The following DNAAF9 variants were observed in gnomAD, a reference collection of about 807,000 sequenced individuals.
The protein encoded by DNAAF9 is shulin.
Under a neutral mutation model 167.0 loss-of-function variants are expected in DNAAF9, and 90 were observed. The observed-to-expected ratio is 0.54, with a 90% CI of 0.45 to 0.64. The LOEUF (loss-of-function observed/expected upper bound fraction) is 0.64. Ranked by LOEUF, DNAAF9 falls within the 30% of genes least tolerant of loss-of-function variation. The pLI is 0.00. For missense variants in DNAAF9, 1,315 were observed against 1,442.2 expected (o/e 0.91, Z 1.43); for synonymous variants, 491 against 508.8 (o/e 0.96, Z 0.47).
chr20:3,317,352 C>A (rs1229619067), intron 17 of DNAAF9, among the ~76,000 whole-genome samples: 1 of 111,748 alleles, frequency 8.9e-6, no homozygotes, highest in East Asian at 2.9e-4. Flanking sequence ...CAGAGCAAGA[C>A]CTTGTCTCAA....
At position 3,405,107 on chromosome 20, in the gene DNAAF9, A is replaced by G. The variant is rs116717588; in HGVS notation, c.83+2368T>C. 5.4e-3 allele frequency among the ~76,000 whole-genome samples: 818 copies of G among 152,366 alleles called. 7 individuals carry two copies. The highest frequency in any genetic ancestry group is 0.018 in the African/African-American group (761 of 41,582). ...CTGACCAAAAGCAACTCTTAAGGCCATACCTAACTTCAAAGAAGCAAGCAA... is the reference window on the plus strand; with the variant it reads ...CTGACCAAAAGCAACTCTTAAGGCCGTACCTAACTTCAAAGAAGCAAGCAA... On this transcript the variant is annotated intron_variant, in intron 1 of 36. Coordinates refer to ENST00000252032, the MANE Select transcript of DNAAF9 (RefSeq NM_001009984.3).
chr20:3,264,291 C>T (rs1486916559), intron 31 of DNAAF9, 147 bp downstream of exon 31: 13 of 610,576 alleles, frequency 2.1e-5, no homozygotes, highest in South Asian at 4.1e-5. Context: ...CAGCAGCTGC[C>T]GGACAGGCAG....
At chr20:3,334,625 C>T (rs2069902564) in intron 10 of DNAAF9, among the ~76,000 whole-genome samples, 1 of 152,156 alleles carries the variant, frequency 6.6e-6, no homozygotes, top group Non-Finnish European at 1.5e-5. Context: ...AAGGAAATGC[C>T]AAACTGTCTT....
At chr20:3,283,468 C>G (rs939239540) in intron 27 of DNAAF9, among the ~76,000 whole-genome samples, 1 of 152,230 alleles carries the variant, frequency 6.6e-6, no homozygotes, top group Non-Finnish European at 1.5e-5. Flanking sequence ...CCTGACAGCC[C>G]TCTGCTCACA....
Position 3,287,634 on chromosome 20 carries a change from T to C in DNAAF9, c.2484A>G (p.Gln828=). The C allele has an allele frequency of 6.2e-7, 1 of 1,614,156 alleles. No homozygotes were observed. Residue 828 remains glutamine (Q), a splice_region_variant and synonymous_variant, in exon 27 of 37, where the codon CAA becomes CAG. Coordinates refer to ENST00000252032, the MANE Select transcript of DNAAF9 (RefSeq NM_001009984.3). ...TCCAGGAGACTTCCAATGCTCACCCTTGTAACACCACCAGCAGTCTGGTCT... is the reference window on the plus strand; with the variant it reads ...TCCAGGAGACTTCCAATGCTCACCCCTGTAACACCACCAGCAGTCTGGTCT... ...RKKTRLLVVL[Q]GYTDVIDVVQ... is the part of the protein sequence containing the mutation.
chr20:3,313,703 C>T (rs952437783), intron 20 of DNAAF9, among the ~76,000 whole-genome samples: 2 of 152,152 alleles, frequency 1.3e-5, no homozygotes, highest in African/African-American at 4.8e-5. Flanking sequence ...GGACAGATAA[C>T]ATATAAAATT....
intron 20 of DNAAF9, among the ~76,000 whole-genome samples, chr20:3,311,619 T>C (rs1320211003): frequency 6.6e-6 from 1 of 152,116 alleles, no homozygotes; most frequent in Non-Finnish European, 1.5e-5. Flanking sequence ...AGGAATACTA[T>C]AGGGCCATGA....
At position 3,372,406 on chromosome 20, in the gene DNAAF9, G is replaced by C. The variant is rs1285509768; in HGVS notation, c.612+1642C>G. On this transcript the variant is annotated intron_variant, in intron 6 of 36. Coordinates refer to ENST00000252032, the MANE Select transcript of DNAAF9 (RefSeq NM_001009984.3). ...GGCAGGATGTGGAGAGAGGGACCTA[G>C]AGAAGACCTATAGTAACTCTTCCTT... is the stretch of plus-strand genomic sequence containing the variant. Among the ~76,000 whole-genome samples the C allele has an allele frequency of 3.3e-5, 5 of 152,230 alleles. 1 individual carries two copies. The highest frequency in any genetic ancestry group is 7.3e-5 in the Non-Finnish European group (5 of 68,034).
At chr20:3,319,180 T>C (rs575120773) in intron 16 of DNAAF9, among the ~76,000 whole-genome samples, 9 of 146,736 alleles carry the variant, frequency 6.1e-5, no homozygotes, top group African/African-American at 2.0e-4. Context: ...GGAGGATTGT[T>C]TGAGCCCAGG....
At chr20:3,395,715 CTCCTT>C (rs2123289630) in intron 1 of DNAAF9, among the ~76,000 whole-genome samples, 1 of 152,086 alleles carries the variant, frequency 6.6e-6, no homozygotes, top group East Asian at 1.9e-4. Flanking sequence ...GATTATGTCT[CTCCTT>C]TCCTTCCTCT....
chr20:3,297,574 C>T (rs535097118), intron 22 of DNAAF9, among the ~76,000 whole-genome samples: 9 of 152,072 alleles, frequency 5.9e-5, no homozygotes, highest in Admixed American at 4.6e-4. Context: ...CTAAGTGGGT[C>T]GTTTCATTCT....
chr20:3,277,765 A>C (rs1005090743), intron 29 of DNAAF9, among the ~76,000 whole-genome samples: 7 of 152,136 alleles, frequency 4.6e-5, no homozygotes, highest in African/African-American at 1.7e-4. Context: ...AGAAAGTAAC[A>C]GGGACCTCTG....
At chr20:3,360,787 A>G (rs1272505063) in intron 6 of DNAAF9, among the ~76,000 whole-genome samples, 1 of 152,168 alleles carries the variant, frequency 6.6e-6, no homozygotes, top group African/African-American at 2.4e-5. Flanking sequence ...CCTGTTTAAA[A>G]CTTCAATTTT....
At chr20:3,357,695 G>A (rs2083306722) in intron 7 of DNAAF9, among the ~76,000 whole-genome samples, 1 of 151,530 alleles carries the variant, frequency 6.6e-6, no homozygotes, top group Non-Finnish European at 1.5e-5. Flanking sequence ...AATTTTTCAG[G>A]TTTTTTCTTT....
chr20:3,310,505 C>T (rs1030697709), intron 20 of DNAAF9, among the ~76,000 whole-genome samples: 3 of 151,660 alleles, frequency 2.0e-5, no homozygotes, highest in Admixed American at 6.6e-5. Context: ...GCCAACATGG[C>T]GAAACCCCGT....
chr20:3,404,720 T>C (rs1214434946), intron 1 of DNAAF9, among the ~76,000 whole-genome samples: 1 of 152,226 alleles, frequency 6.6e-6, no homozygotes, highest in Non-Finnish European at 1.5e-5. Flanking sequence ...TTGCATAATT[T>C]ATATAAATAA....
chr20:3,303,054 T>C (rs1252725911), intron 21 of DNAAF9, among the ~76,000 whole-genome samples: 2 of 152,046 alleles, frequency 1.3e-5, no homozygotes, highest in African/African-American at 4.8e-5. Flanking sequence ...CTGGCTAACA[T>C]AGTGAAACCC....
At chr20:3,391,527 C>T (rs988342581) in intron 1 of DNAAF9, among the ~76,000 whole-genome samples, 3 of 151,468 alleles carry the variant, frequency 2.0e-5, no homozygotes, top group Non-Finnish European at 4.4e-5. Context: ...CCTCACCCCC[C>T]AGAGGTCACC....
At chr20:3,313,345 G>C (rs986700149) in intron 20 of DNAAF9, among the ~76,000 whole-genome samples, 6 of 152,230 alleles carry the variant, frequency 3.9e-5, no homozygotes, top group African/African-American at 1.4e-4. Flanking sequence ...TAGAAAACCA[G>C]AACTCCTTGT....
Sources: allele counts gnomAD v4.1 joint callset (sites outside exome capture counted in the v4.1 genomes callset), GRCh38; gene constraint gnomAD v4.1.1; transcripts MANE v1.5; gene names NCBI Gene and HGNC (gene_info 2026-07-23, HGNC 2026-07-21).